INTS15: variants seen among roughly 807,000 people sequenced by gnomAD.
INTS15 encodes the protein uncharacterized protein C7orf26.
chr7:6,607,712 C>G, the INTS15 span: 2 of 1,521,012 alleles, frequency 1.3e-6, no homozygotes, highest in South Asian at 1.2e-5. This position sits in a 1 kb window ranked among gnomAD's most constrained non-coding sequence, Gnocchi z 6.0. Context: ...GGCTGCGCGC[C>G]CGGGAGTGCT....
At chr7:6,593,151 C>T in the INTS15 span, among the ~76,000 whole-genome samples, 4 of 152,070 alleles carry the variant, frequency 2.6e-5, no homozygotes, top group Non-Finnish European at 5.9e-5. Context: ...ATGTAGAGGG[C>T]GAGATAGTGA....
the INTS15 span, among the ~76,000 whole-genome samples, chr7:6,605,457 GAC>G: frequency 6.6e-6 from 1 of 152,146 alleles, no homozygotes; most frequent in Non-Finnish European, 1.5e-5. Context: ...GAATTAAAAA[GAC>G]AGCAGGATAC....
At chr7:6,598,756 T>C in the INTS15 span, among the ~76,000 whole-genome samples, 16 of 104,396 alleles carry the variant, frequency 1.5e-4, no homozygotes, top group African/African-American at 8.0e-4. Flanking sequence ...TGTGTGTGTG[T>C]GTGTGTGTGT....
chr7:6,605,519 C>A, the INTS15 span, among the ~76,000 whole-genome samples: 2 of 152,194 alleles, frequency 1.3e-5, no homozygotes, highest in African/African-American at 4.8e-5. Flanking sequence ...ACATTAGAGC[C>A]CCCCAGAACT....
chr7:6,597,586 C>T, the INTS15 span, among the ~76,000 whole-genome samples: 5 of 152,356 alleles, frequency 3.3e-5, no homozygotes, highest in South Asian at 2.1e-4. Flanking sequence ...TGAGCCACCA[C>T]ACCCGACCTA....
the INTS15 span, among the ~76,000 whole-genome samples, chr7:6,592,990 C>T: frequency 0.32 from 48,721 of 151,982 alleles, 8,078 homozygotes; most frequent in African/African-American, 0.39. Flanking sequence ...ACTGACTCTC[C>T]TGAATCTCTT....
the INTS15 span, among the ~76,000 whole-genome samples, chr7:6,599,364 C>T: frequency 6.6e-6 from 1 of 151,910 alleles, no homozygotes; most frequent in South Asian, 2.1e-4. Context: ...TGGCAGCAGC[C>T]AGATCACTGA....
chr7:6,605,084 C>T, the INTS15 span, among the ~76,000 whole-genome samples: 1 of 152,140 alleles, frequency 6.6e-6, no homozygotes, highest in Admixed American at 6.6e-5. Context: ...CCTCCGCGTC[C>T]TGGATTCAAG....
At chr7:6,602,212 C>T in the INTS15 span, 2 of 1,329,612 alleles carry the variant, frequency 1.5e-6, no homozygotes, top group South Asian at 2.6e-5. Context: ...ACAGGGCGAG[C>T]CCCTTTGTCC....
At chr7:6,604,794 T>A in the INTS15 span, among the ~76,000 whole-genome samples, 1 of 152,278 alleles carries the variant, frequency 6.6e-6, no homozygotes, top group African/African-American at 2.4e-5. Context: ...CGTGCCACAC[T>A]CACTCTGCCA....
the INTS15 span, chr7:6,590,424 G>T: frequency 1.2e-6 from 2 of 1,603,188 alleles, no homozygotes; most frequent in Non-Finnish European, 1.7e-6. Flanking sequence ...CCGTGGAGCT[G>T]CTGGAGGAGT....
chr7:6,591,719 C>G, the INTS15 span: 8 of 1,614,050 alleles, frequency 5.0e-6, no homozygotes, highest in Middle Eastern at 1.6e-4. Context: ...ACCAAGGACT[C>G]TGTTCGGCAG....
chr7:6,603,078 C>T, the INTS15 span, among the ~76,000 whole-genome samples: 3 of 151,480 alleles, frequency 2.0e-5, no homozygotes, highest in Non-Finnish European at 4.4e-5. Flanking sequence ...GGTGAAACCC[C>T]GTCTCTACTT....
At chr7:6,592,331 C>T in the INTS15 span, among the ~76,000 whole-genome samples, 6 of 151,938 alleles carry the variant, frequency 3.9e-5, no homozygotes, top group African/African-American at 9.6e-5. Context: ...TTTGGGAGGC[C>T]GAAGGGGGGC....
chr7:6,607,220 G>A, the INTS15 span, among the ~76,000 whole-genome samples: 2 of 152,152 alleles, frequency 1.3e-5, no homozygotes, highest in Non-Finnish European at 2.9e-5. The surrounding 1 kb of genome is among the most constrained non-coding windows in gnomAD (Gnocchi z 6.0). Flanking sequence ...GGAAAGCCAC[G>A]TTGAATTTGC....
the INTS15 span, chr7:6,591,832 A>G: frequency 6.2e-7 from 1 of 1,614,006 alleles, no homozygotes; most frequent in Non-Finnish European, 8.5e-7. Context: ...TGTGTGTCGA[A>G]TCCCGGTGTT....
chr7:6,594,626 T>C, the INTS15 span: 1 of 1,606,666 alleles, frequency 6.2e-7, no homozygotes, highest in African/African-American at 1.3e-5. Flanking sequence ...GTTATTTCTA[T>C]GGAAGAAGCT....
the INTS15 span, among the ~76,000 whole-genome samples, chr7:6,593,577 G>A: frequency 3.3e-5 from 5 of 151,320 alleles, no homozygotes; most frequent in Non-Finnish European, 7.4e-5. Context: ...CTTGTGATCC[G>A]CCTGCCTCGG....
the INTS15 span, among the ~76,000 whole-genome samples, chr7:6,592,510 T>C: frequency 1.9e-4 from 28 of 151,284 alleles, no homozygotes; most frequent in African/African-American, 6.3e-4. Context: ...GAGGTTGCCG[T>C]GAGCCGAGAT....
Sources: gnomAD v4.1 joint callset for allele counts (sites outside exome capture counted in the v4.1 genomes callset) on GRCh38, gnomAD v4.1.1 for gene constraint, Gnocchi (gnomAD v3.1) non-coding constraint, MANE v1.5 for transcripts, NCBI Gene and HGNC (gene_info 2026-07-23, HGNC 2026-07-21) for gene names.